The following SH3GL2 variants were observed in gnomAD, a reference collection of about 807,000 sequenced individuals.
SH3GL2 encodes endophilin-A1.
SH3GL2 carries 24 observed loss-of-function variants against 46.0 expected under a neutral mutation model. That is an observed-to-expected ratio of 0.52 (90% CI 0.38 to 0.73). The LOEUF is 0.73. SH3GL2 is among the 30% of genes least tolerant of loss of function. The pLI is 0.00. For missense variants in SH3GL2, 413 were observed against 424.2 expected, an observed-to-expected ratio of 0.97 and a Z score of 0.23; for synonymous variants, 196 against 147.1, an observed-to-expected ratio of 1.33 and a Z score of -2.40.
intron 1 of SH3GL2, among the ~76,000 whole-genome samples, chr9:17,675,408 A>G (rs2117994961): frequency 6.6e-6 from 1 of 152,342 alleles, no homozygotes; most frequent in East Asian, 1.9e-4. Context: ...GTGAACTGAT[A>G]AAGTTCACAT....
chr9:17,732,803 AAC>A (rs1476769407), intron 1 of SH3GL2, among the ~76,000 whole-genome samples: 1 of 152,112 alleles, frequency 6.6e-6, no homozygotes, highest in Non-Finnish European at 1.5e-5. Context: ...TAGCAATATA[AAC>A]AGTTATGAGA....
intron 1 of SH3GL2, among the ~76,000 whole-genome samples, chr9:17,600,132 C>CA (rs1397806022): frequency 1.3e-5 from 2 of 152,036 alleles, no homozygotes; most frequent in African/African-American, 2.4e-5. Flanking sequence ...AGTTTAGACA[C>CA]AAAAAAGTAC....
At position 17,581,759 on chromosome 9, in the gene SH3GL2, C is replaced by T. The variant is rs143891081; in HGVS notation, c.45+2472C>T. On this transcript the variant is annotated intron_variant, in intron 1 of 8. Transcript: ENST00000380607. ...TGTCGCCCAGGCAGGAGTGCAATGGCGTGATCTCAGCATACTGCAACCTCT... is the reference window on the plus strand; with the variant it reads ...TGTCGCCCAGGCAGGAGTGCAATGGTGTGATCTCAGCATACTGCAACCTCT... Among the ~76,000 whole-genome samples, 318 of 152,244 alleles carry T rather than the reference C, an allele frequency of 2.1e-3. 2 individuals are homozygous for T. The highest frequency in any genetic ancestry group is 6.9e-3 in the African/African-American group (288 of 41,544).
At chr9:17,670,086 A>G (rs761040415) in intron 1 of SH3GL2, among the ~76,000 whole-genome samples, 12 of 152,008 alleles carry the variant, frequency 7.9e-5, no homozygotes, top group African/African-American at 1.4e-4. Context: ...CCCTACCCCA[A>G]TCTTTTATCA....
intron 1 of SH3GL2, among the ~76,000 whole-genome samples, chr9:17,616,497 G>A (rs915963644): frequency 6.6e-6 from 1 of 152,106 alleles, no homozygotes; most frequent in Non-Finnish European, 1.5e-5. Context: ...TTGTGGGGTA[G>A]TATTTTTATT....
chr9:17,746,941 C>A (rs775606054), intron 1 of SH3GL2, 125 bp from the exon 2 acceptor site: 43 of 645,778 alleles, frequency 6.7e-5, no homozygotes, highest in Non-Finnish European at 1.1e-4. Context: ...ATGAGACTCT[C>A]CACCTAAGTC....
chr9:17,640,756 T>C (rs914730981), intron 1 of SH3GL2, among the ~76,000 whole-genome samples: 3 of 152,254 alleles, frequency 2.0e-5, no homozygotes, highest in South Asian at 2.1e-4. Flanking sequence ...ATTGTGCATA[T>C]ATTATTTATT....
chr9:17,764,133 G>A (rs575198398), intron 3 of SH3GL2, among the ~76,000 whole-genome samples: 4 of 152,228 alleles, frequency 2.6e-5, no homozygotes, highest in African/African-American at 7.2e-5. Context: ...AACAATGAAG[G>A]CCATTACAGG....
At chr9:17,726,319 C>T (rs554169934) in intron 1 of SH3GL2, among the ~76,000 whole-genome samples, 3 of 152,124 alleles carry the variant, frequency 2.0e-5, no homozygotes, top group Non-Finnish European at 2.9e-5. Flanking sequence ...GCTGCGACCT[C>T]TTATATCTTT....
At chr9:17,610,213 T>C (rs1885166) in intron 1 of SH3GL2, among the ~76,000 whole-genome samples, 46,701 of 152,096 alleles carry the variant, frequency 0.31, 7,921 homozygotes, top group East Asian at 0.53. Flanking sequence ...CATAAGTGTC[T>C]GGCGTAGAGT....
chr9:17,763,750 G>A (rs751123636), intron 3 of SH3GL2, among the ~76,000 whole-genome samples: 10 of 152,096 alleles, frequency 6.6e-5, no homozygotes, highest in Non-Finnish European at 1.5e-4. Context: ...GAAAAAACAA[G>A]GGTCAGAGAA....
At chr9:17,754,210 G>A (rs1163403464) in intron 2 of SH3GL2, among the ~76,000 whole-genome samples, 1 of 152,064 alleles carries the variant, frequency 6.6e-6, no homozygotes, top group East Asian at 1.9e-4. Flanking sequence ...TCCTAGTTCT[G>A]CTAAGAATCT....
Position 17,671,461 on chromosome 9 carries a change from A to G in SH3GL2, c.46-75605A>G, listed in dbSNP as rs559153152. Among the ~76,000 whole-genome samples, 66 of 152,282 alleles carry G rather than the reference A, an allele frequency of 4.3e-4. 2 individuals carry two copies. The South Asian group carries it at 0.013, about 30-fold the overall frequency. On this transcript the variant is annotated intron_variant, in intron 1 of 8. Coordinates refer to ENST00000380607, the MANE Select transcript of SH3GL2 (RefSeq NM_003026.5). ...CTGTAGTCAATAATAACTTAATTGT[A>G]CATTGAAAAATAACTAAAACAGTAT...
At chr9:17,770,709 C>G (rs756692225) in intron 3 of SH3GL2, among the ~76,000 whole-genome samples, 1 of 152,212 alleles carries the variant, frequency 6.6e-6, no homozygotes, top group Non-Finnish European at 1.5e-5. Flanking sequence ...CTAGAAGAAG[C>G]ACACTGCCAT....
chr9:17,754,361 G>A (rs1395352845), intron 2 of SH3GL2, among the ~76,000 whole-genome samples: 2 of 152,112 alleles, frequency 1.3e-5, no homozygotes, highest in Non-Finnish European at 2.9e-5. Context: ...TCTTTCAGCA[G>A]TGTTTGTAGT....
At chr9:17,749,278 A>G (rs552979164) in intron 2 of SH3GL2, among the ~76,000 whole-genome samples, 2 of 152,326 alleles carry the variant, frequency 1.3e-5, no homozygotes, top group South Asian at 2.1e-4. Context: ...CTTCTACGGC[A>G]TCTGAGACTC....
chr9:17,628,428 G>A (rs1341342508), intron 1 of SH3GL2, among the ~76,000 whole-genome samples: 2 of 148,366 alleles, frequency 1.3e-5, no homozygotes, highest in Non-Finnish European at 3.0e-5. Flanking sequence ...GTGTGTGTGT[G>A]TGTGTGTGTG....
chr9:17,640,569 C>A (rs572101654), intron 1 of SH3GL2, among the ~76,000 whole-genome samples: 1 of 152,140 alleles, frequency 6.6e-6, no homozygotes, highest in African/African-American at 2.4e-5. Flanking sequence ...AAGACAGGCC[C>A]AGTAATGCCC....
intron 1 of SH3GL2, among the ~76,000 whole-genome samples, chr9:17,742,589 T>A (rs1822558150): frequency 6.6e-6 from 1 of 152,210 alleles, no homozygotes; most frequent in Non-Finnish European, 1.5e-5. Flanking sequence ...TACCTCTAAG[T>A]CATCTTAACA....
Sources: gnomAD v4.1 joint callset for allele counts (sites outside exome capture counted in the v4.1 genomes callset) on GRCh38, gnomAD v4.1.1 for gene constraint, MANE v1.5 for transcripts, NCBI Gene and HGNC (gene_info 2026-07-23, HGNC 2026-07-21) for gene names.